HTR5A: variants seen among roughly 807,000 people sequenced by gnomAD.
HTR5A encodes the protein 5-hydroxytryptamine receptor 5A, also known as 5-HT-5.
In HTR5A, 21 loss-of-function variants were observed where a neutral mutation model predicts 24.3. The ratio of observed to expected loss-of-function variants is 0.86; its 90% confidence interval spans 0.61 to 1.24. The LOEUF is 1.24. Ranked by LOEUF, HTR5A falls within the 50% of genes most tolerant of loss-of-function variation. HTR5A has a pLI of 0.00. For missense variants in HTR5A, 497 were observed against 489.5 expected, an observed-to-expected ratio of 1.02 and a Z score of -0.15; for synonymous variants, 260 against 213.7, an observed-to-expected ratio of 1.22 and a Z score of -1.89.
At chr7:155,078,715 C>A (rs1795384255) in intron 1 of HTR5A, among the ~76,000 whole-genome samples, 1 of 146,842 alleles carries the variant, frequency 6.8e-6, no homozygotes. Flanking sequence ...TAAATTTTCA[C>A]AACTGGGTTA....
intron 1 of HTR5A, among the ~76,000 whole-genome samples, chr7:155,073,323 G>GGAAAAAA (rs1795318962): frequency 1.8e-5 from 2 of 109,140 alleles, no homozygotes; most frequent in Non-Finnish European, 3.5e-5. Flanking sequence ...TCTGTCTCAA[G>GGAAAAAA]AAAAAAAAAA....
chr7:155,076,677 G>A (rs1451632914), intron 1 of HTR5A, among the ~76,000 whole-genome samples: 1 of 152,180 alleles, frequency 6.6e-6, no homozygotes, highest in Non-Finnish European at 1.5e-5. Context: ...TAGCTGCGGG[G>A]TGATGCATGT....
intron 1 of HTR5A, among the ~76,000 whole-genome samples, chr7:155,076,449 C>A (rs1278879166): frequency 6.6e-6 from 1 of 152,140 alleles, no homozygotes. Flanking sequence ...AAGCATTGAA[C>A]AACTTGGCTT....
At position 155,071,641 on chromosome 7, in the gene HTR5A, G is replaced by A; in HGVS notation, c.741+1G>A. ...CTCACCCATATCCGAAGCTGTGGAG[G>A]TGGGTATCTCAGCAATCCTTAAAAA... On this transcript the variant is annotated splice_donor_variant, in intron 1 of 1. Coordinates refer to ENST00000287907, the MANE Select transcript of HTR5A (RefSeq NM_024012.4). LOFTEE classifies it high-confidence loss of function. 2 of 1,613,006 alleles carry A rather than the reference G, an allele frequency of 1.2e-6. No individual in the cohort carries two copies. The highest frequency in any genetic ancestry group is 1.7e-6 in the Non-Finnish European group (2 of 1,179,492).
Position 155,084,240 on chromosome 7 carries a change from G to A in HTR5A, c.827G>A (p.Arg276Gln), listed in dbSNP as rs770383539. Reference sequence around the variant, plus strand: ...TTCCAGCCAGAAGGGGACACGTGGCGGGAGCAGAAGGAGCAGCGGGCCGCC... The same window carrying A: ...TTCCAGCCAGAAGGGGACACGTGGCAGGAGCAGAAGGAGCAGCGGGCCGCC... Reference protein sequence around the residue: ...VTFQPEGDTWREQKEQRAALM... With the variant: ...VTFQPEGDTWQEQKEQRAALM... The change falls in exon 2 of 2, where the codon CGG becomes CAG. Residue 276 changes from arginine (R) to glutamine (Q), a missense_variant. By Grantham distance (43) the Arg-to-Gln change is conservative. Coordinates refer to ENST00000287907, the MANE Select transcript of HTR5A (RefSeq NM_024012.4). 3.1e-5 allele frequency: 50 copies of A among 1,613,986 alleles called. No homozygotes were observed. The highest frequency in any genetic ancestry group is 1.6e-4 in the East Asian group (7 of 44,884).
intron 1 of HTR5A, among the ~76,000 whole-genome samples, chr7:155,073,877 G>GTGTATATATATATGTGTGTA (rs1210393368): frequency 3.7e-4 from 3 of 8,016 alleles, no homozygotes; most frequent in Admixed American, 5.4e-3. Context: ...ATATATATAT[G>GTGTATATATATATGTGTGTA]TATATATATA....
At chr7:155,073,904 T>TATGTATATATATATGTGTATATATATAC (rs1795331410) in intron 1 of HTR5A, among the ~76,000 whole-genome samples, 1 of 37,106 alleles carries the variant, frequency 2.7e-5, no homozygotes, top group African/African-American at 6.0e-5. Context: ...TATATATATA[T>TATGTATATATATATGTGTATATATATAC]ATATATATAT....
In HTR5A at chr7:155,071,426, C is replaced by T. The variant is rs1461352395; in HGVS notation, c.527C>T (p.Pro176Leu). 4 of 1,614,234 alleles carry T rather than the reference C, an allele frequency of 2.5e-6. No homozygotes were observed. Among genetic ancestry groups the T allele is most frequent in the South Asian group, 2.2e-5 (2 of 91,090 alleles). The change falls in exon 1 of 2, where the codon CCG becomes CTG. Residue 176 changes from proline (P) to leucine (L), a missense_variant. Transcript: ENST00000287907. ...WALSAVISLA[P>L]LLFGWGETYS... ...CTCTCCGCTGTCATCTCTCTGGCCC[C>T]GCTGCTTTTTGGCTGGGGAGAGACG... is the stretch of plus-strand genomic sequence containing the variant.
Position 155,070,325 on chromosome 7 carries a change from G to C in HTR5A, c.-575G>C, listed in dbSNP as rs746476976. 2.2e-5 allele frequency: 7 copies of C among 320,486 alleles called. No individual in the cohort carries two copies. The highest frequency in any genetic ancestry group is 1.2e-4 in the South Asian group (6 of 49,782). 19.9% of individuals were successfully genotyped at this position (320,486 alleles called of 1,614,324 possible). A position where few individuals can be genotyped will look rare whatever the true frequency, so the allele number is the denominator to read the frequency against. On this transcript the variant is annotated 5_prime_UTR_variant, in exon 1 of 2. Transcript: ENST00000287907. ...AAGGCAGGTCTCGGTGGGCGCGCCA[G>C]CATTCGCTCTCCGGAGCTGCAGCCT...
chr7:155,082,225 G>T (rs1192056264), intron 1 of HTR5A, among the ~76,000 whole-genome samples: 1 of 151,850 alleles, frequency 6.6e-6, no homozygotes, highest in Non-Finnish European at 1.5e-5. Flanking sequence ...TCCACAGTGT[G>T]AATGGCATCC....
rs570854731 is a variant in HTR5A at position 155,074,972 on chromosome 7, C to T, written c.741+3332C>T. Among the ~76,000 whole-genome samples the T allele has an allele frequency of 7.9e-5, 12 of 152,288 alleles. No individual in the cohort carries two copies. In the South Asian group the frequency reaches 2.5e-3, roughly 32 times the overall value. On this transcript the variant is annotated intron_variant, in intron 1 of 1. Transcript: ENST00000287907. ...CCTTTTACACAGATCTAAGACAATT[C>T]CCTAATGGTAGGTCTCTTAATCAAA...
Position 155,087,275 on chromosome 7 carries a change from T to C in HTR5A, c.*2788T>C, listed in dbSNP as rs1383043258. Among the ~76,000 whole-genome samples the C allele has an allele frequency of 6.6e-6, 1 of 152,216 alleles. No individual in the cohort carries two copies. Among genetic ancestry groups the C allele is most frequent in the Non-Finnish European group, 1.5e-5 (1 of 68,016 alleles). ...CTCTTCTTTTCATGAGGAGCATTTTTGCTTCCGTGTTTGTCTGTTGGATTT... is the reference window on the plus strand; with the variant it reads ...CTCTTCTTTTCATGAGGAGCATTTTCGCTTCCGTGTTTGTCTGTTGGATTT... On this transcript the variant is annotated 3_prime_UTR_variant, in exon 2 of 2. Transcript: ENST00000287907.
At chr7:155,084,095 G>A (rs1795447729) in intron 1 of HTR5A, 60 bp from the exon 2 acceptor site, 3 of 1,355,412 alleles carry the variant, frequency 2.2e-6, no homozygotes. Flanking sequence ...CAGTGTCCAG[G>A]CTCAGCCTAG....
rs1795466428 is a variant in HTR5A, at chr7:155,085,415, G to T, written c.*928G>T. 1 of 152,156 alleles carries T rather than the reference G, an allele frequency of 6.6e-6. No individual in the cohort carries two copies. Among genetic ancestry groups the T allele is most frequent in the Non-Finnish European group, 1.5e-5 (1 of 68,030 alleles). 9.4% of individuals were successfully genotyped at this position (152,156 alleles called of 1,614,324 possible). ...CATTTCATGACCAATGACTATGAAGGCACATTCACCAAACACAGGCACTTT... is the reference window on the plus strand; with the variant it reads ...CATTTCATGACCAATGACTATGAAGTCACATTCACCAAACACAGGCACTTT... On this transcript the variant is annotated 3_prime_UTR_variant, in exon 2 of 2. Transcript: ENST00000287907.
intron 1 of HTR5A, among the ~76,000 whole-genome samples, chr7:155,079,089 G>T (rs1795388870): frequency 6.6e-6 from 1 of 151,806 alleles, no homozygotes; most frequent in Non-Finnish European, 1.5e-5. Context: ...TGAGTAGCTG[G>T]GACCACAGGG....
In HTR5A at chr7:155,086,033, T is replaced by G. The variant is rs1213446827; in HGVS notation, c.*1546T>G. ...GAATTTATTTAGAAACGTCCTTAGA[T>G]TTTTCATCTGTATATATCACTTGAA... On this transcript the variant is annotated 3_prime_UTR_variant, in exon 2 of 2. Coordinates refer to ENST00000287907, the MANE Select transcript of HTR5A (RefSeq NM_024012.4). Among the ~76,000 whole-genome samples, 1 of 152,216 alleles carries G rather than the reference T, an allele frequency of 6.6e-6. No individual in the cohort carries two copies. Among genetic ancestry groups the G allele is most frequent in the East Asian group, 1.9e-4 (1 of 5,200 alleles).
In HTR5A at chr7:155,071,241, C is replaced by T. The variant is rs1258342002; in HGVS notation, c.342C>T (p.Cys114=). ...GCTGGCAGCTAGGTCGGAGGCTGTG[C>T]CAGCTTTGGATCGCGTGCGACGTGC... ...GRRWQLGRRL[C]QLWIACDVLC... The change falls in exon 1 of 2, where the codon TGC becomes TGT. Residue 114 remains cysteine (C), a synonymous_variant. Transcript: ENST00000287907. The T allele has an allele frequency of 5.0e-6, 8 of 1,604,766 alleles. No homozygotes were observed. Among genetic ancestry groups the T allele is most frequent in the African/African-American group, 2.7e-5 (2 of 74,942 alleles).
chr7:155,074,955 A>G (rs1480410307), intron 1 of HTR5A, among the ~76,000 whole-genome samples: 1 of 152,234 alleles, frequency 6.6e-6, no homozygotes, highest in Non-Finnish European at 1.5e-5. Context: ...AGCCTTTTAC[A>G]CAGATCTAAG....
At chr7:155,077,461 T>G (rs1186216147) in intron 1 of HTR5A, among the ~76,000 whole-genome samples, 3 of 95,460 alleles carry the variant, frequency 3.1e-5, no homozygotes, top group Admixed American at 1.6e-4. Flanking sequence ...ATAGGTTTTT[T>G]TTTTGTTTTT....
Sources: gnomAD v4.1 joint callset for allele counts (sites outside exome capture counted in the v4.1 genomes callset) on GRCh38, gnomAD v4.1.1 for gene constraint, MANE v1.5 for transcripts, NCBI Gene and HGNC (gene_info 2026-07-23, HGNC 2026-07-21) for gene names.